Variants in GAB3 observed in about 807,000 individuals in gnomAD.
GAB3 encodes the protein GRB2 associated binding protein 3.
GAB3 carries 12 observed loss-of-function variants against 40.4 expected under a neutral mutation model. The ratio of observed to expected loss-of-function variants is 0.30; its 90% confidence interval spans 0.19 to 0.48. GAB3 has a LOEUF of 0.48. Ranked by LOEUF, GAB3 falls within the 20% of genes least tolerant of loss-of-function variation. The pLI, the probability that GAB3 is intolerant of heterozygous loss-of-function variation, is 0.99. For missense variants in GAB3, 381 were observed against 461.9 expected (o/e 0.82, Z 1.61); for synonymous variants, 154 against 176.7 (o/e 0.87, Z 1.02).
chrX:154,678,100 CAA>C lies in GAB3; in HGVS notation c.*76_*77del, dbSNP rs371001859. The C allele has an allele frequency of 0.014, 5,103 of 375,734 alleles. No homozygotes were observed. Among genetic ancestry groups the C allele is most frequent in the Admixed American group, 0.018 (355 of 19,269 alleles). 31.0% of individuals were successfully genotyped at this position (375,734 alleles called of 1,213,427 possible). ...TGACCATCAGTGTGTTTTTAGTGGA[CAA>C]AAAAAAAAAAAAAAGAAAAAACTCA... is the stretch of plus-strand genomic sequence containing the variant. On this transcript the variant is annotated 3_prime_UTR_variant, in exon 10 of 10. Transcript: ENST00000424127.
intron 1 of GAB3, among the ~76,000 whole-genome samples, chrX:154,739,921 C>G (rs966531402): frequency 5.4e-5 from 6 of 111,980 alleles, no homozygotes; most frequent in Non-Finnish European, 9.4e-5. Context: ...GGCTTTTATA[C>G]TTGAAGAGAT....
chrX:154,748,339 T>A (rs1330869807), intron 1 of GAB3, among the ~76,000 whole-genome samples: 1 of 111,463 alleles, frequency 9.0e-6, no homozygotes, highest in Non-Finnish European at 1.9e-5. Flanking sequence ...AGAATGGTAC[T>A]CACTGAACGG....
At chrX:154,691,505 C>G (rs1380320866) in intron 8 of GAB3, among the ~76,000 whole-genome samples, 3 of 111,555 alleles carry the variant, frequency 2.7e-5, no homozygotes, top group Non-Finnish European at 5.7e-5. Context: ...ACATTGAAAA[C>G]TGTAAGAAAG....
chrX:154,737,528 A>G (rs1181607561), intron 1 of GAB3, among the ~76,000 whole-genome samples: 1 of 111,323 alleles, frequency 9.0e-6, no homozygotes, highest in Non-Finnish European at 1.9e-5. Flanking sequence ...CCAAAACTCC[A>G]TCTGGAGCCC....
At chrX:154,711,687 C>T (rs1451679879) in intron 4 of GAB3, among the ~76,000 whole-genome samples, 5 of 112,022 alleles carry the variant, frequency 4.5e-5, no homozygotes, top group African/African-American at 1.6e-4. Flanking sequence ...CAGTGATGGT[C>T]TGTGGTCTCA....
intron 8 of GAB3, 41 bp from the exon 9 acceptor site, chrX:154,680,289 T>C (rs782360017): frequency 5.0e-6 from 5 of 997,921 alleles, no homozygotes; most frequent in Middle Eastern, 2.8e-4. Flanking sequence ...ATGATGTCTA[T>C]CTTGGTTGCT....
At chrX:154,686,862 T>C (rs1401882841) in intron 8 of GAB3, among the ~76,000 whole-genome samples, 1 of 111,155 alleles carries the variant, frequency 9.0e-6, no homozygotes, top group African/African-American at 3.3e-5. Context: ...ATGTAAAAAT[T>C]ACAAAATTAT....
At chrX:154,683,021 T>C (rs185342040) in intron 8 of GAB3, among the ~76,000 whole-genome samples, 1 of 112,540 alleles carries the variant, frequency 8.9e-6, no homozygotes, top group East Asian at 2.8e-4. Context: ...CTTTTCCTTC[T>C]GGCATAGTTC....
intron 1 of GAB3, among the ~76,000 whole-genome samples, chrX:154,725,837 AAG>A (rs2071204871): frequency 9.0e-6 from 1 of 111,233 alleles, no homozygotes; most frequent in Non-Finnish European, 1.9e-5. Context: ...TAGAGACTCA[AAG>A]AGAGGCCACA....
In GAB3 at chrX:154,676,154, TTTC is replaced by T. The variant is rs1235930717; in HGVS notation, c.*2021_*2023del. On this transcript the variant is annotated 3_prime_UTR_variant, in exon 10 of 10. Coordinates refer to ENST00000424127, the MANE Select transcript of GAB3 (RefSeq NM_001081573.3). ...TCTGGAAATGTTTGGTAGAAACAGA[TTTC>T]TTTTCTTTTTTCGGTGGGTCAATGG... is the stretch of plus-strand genomic sequence containing the variant. 2 of 111,404 alleles carry T rather than the reference TTTC, an allele frequency of 1.8e-5. No homozygotes were observed. The highest frequency in any genetic ancestry group is 3.8e-5 in the Non-Finnish European group (2 of 52,998). 9.2% of individuals were successfully genotyped at this position (111,404 alleles called of 1,213,427 possible). A position where few individuals can be genotyped will look rare whatever the true frequency, so the allele number is the denominator to read the frequency against.
intron 3 of GAB3, 142 bp downstream of exon 3, chrX:154,713,065 C>T: frequency 2.0e-6 from 1 of 501,254 alleles, no homozygotes; most frequent in Non-Finnish European, 3.5e-6. Context: ...GACACACCCA[C>T]TAGAAAATGC....
intron 8 of GAB3, among the ~76,000 whole-genome samples, chrX:154,681,215 T>A (rs1245869764): frequency 9.0e-6 from 1 of 111,311 alleles, no homozygotes; most frequent in African/African-American, 3.3e-5. Context: ...GTACCAGGAG[T>A]GTATAAGAAT....
At chrX:154,708,287 G>A (rs1353850429) in intron 4 of GAB3, among the ~76,000 whole-genome samples, 1 of 112,086 alleles carries the variant, frequency 8.9e-6, no homozygotes, top group Admixed American at 9.4e-5. Flanking sequence ...AGAAAATATA[G>A]GGGGAAAGCT....
At chrX:154,710,801 C>T (rs1411139544) in intron 4 of GAB3, among the ~76,000 whole-genome samples, 1 of 112,574 alleles carries the variant, frequency 8.9e-6, no homozygotes, top group Non-Finnish European at 1.9e-5. Context: ...TGTAAAAGAA[C>T]ACAACCTAAT....
intron 1 of GAB3, among the ~76,000 whole-genome samples, chrX:154,718,590 A>G (rs2071082718): frequency 9.0e-6 from 1 of 111,352 alleles, no homozygotes; most frequent in South Asian, 3.8e-4. Flanking sequence ...CACTAAACAT[A>G]AGAGAAGGAG....
At position 154,711,585 on chromosome X, in the gene GAB3, G is replaced by T. The variant is rs185046105; in HGVS notation, c.1069+644C>A. On this transcript the variant is annotated intron_variant, in intron 4 of 9. Coordinates refer to ENST00000424127, the MANE Select transcript of GAB3 (RefSeq NM_001081573.3). ...TAGAAAAGGGCAAAAGAGGGCTGTG[G>T]GAGGGCCCTTTGTACAGCCACTTAG... Among the ~76,000 whole-genome samples, 27 of 111,934 alleles carry T rather than the reference G, an allele frequency of 2.4e-4. No homozygotes were observed. In the East Asian group the frequency reaches 7.2e-3, roughly 30 times the overall value.
At chrX:154,695,076 T>C (rs1239837201) in intron 8 of GAB3, among the ~76,000 whole-genome samples, 1 of 112,276 alleles carries the variant, frequency 8.9e-6, no homozygotes, top group Non-Finnish European at 1.9e-5. Flanking sequence ...GGCAGAATTG[T>C]CTTCTCAAGA....
chrX:154,732,895 C>T (rs1264185363), intron 1 of GAB3, among the ~76,000 whole-genome samples: 1 of 111,588 alleles, frequency 9.0e-6, no homozygotes, highest in Non-Finnish European at 1.9e-5. Context: ...CCACAGGGCA[C>T]CAGTGTTTAC....
intron 1 of GAB3, among the ~76,000 whole-genome samples, chrX:154,747,612 G>A (rs782581820): frequency 3.0e-4 from 33 of 111,653 alleles, no homozygotes; most frequent in African/African-American, 9.4e-4. Context: ...ACCAGCCTGC[G>A]GGCAACATGG....
Sources: allele counts gnomAD v4.1 joint callset (sites outside exome capture counted in the v4.1 genomes callset), GRCh38; gene constraint gnomAD v4.1.1; transcripts MANE v1.5; gene names NCBI Gene and HGNC (gene_info 2026-07-23, HGNC 2026-07-21).